The following TBX21 variants were observed in gnomAD, a reference collection of about 807,000 sequenced individuals.
The protein encoded by TBX21 is T-box transcription factor 21.
A neutral mutation model predicts 52.2 loss-of-function variants in TBX21; 11 were observed. The ratio of observed to expected loss-of-function variants is 0.21; its 90% confidence interval spans 0.13 to 0.35. The LOEUF is 0.35. TBX21 is among the 10% of genes least tolerant of loss of function. The pLI, the probability that TBX21 is intolerant of heterozygous loss-of-function variation, is 1.00. For synonymous variants in TBX21, 300 were observed against 316.1 expected (o/e 0.95, Z 0.54); for missense variants, 625 against 755.1 (o/e 0.83, Z 2.02).
Position 47,744,179 on chromosome 17 carries a change from C to T in TBX21, c.769-16C>T. 1.2e-6 allele frequency: 2 copies of T among 1,613,244 alleles called. No individual in the cohort carries two copies. Among genetic ancestry groups the T allele is most frequent in the Non-Finnish European group, 8.5e-7 (1 of 1,179,398 alleles). On this transcript the variant is annotated splice_polypyrimidine_tract_variant and intron_variant, in intron 3 of 5. Coordinates refer to ENST00000177694, the MANE Select transcript of TBX21 (RefSeq NM_013351.2). ...CCTTCCTCCCCACCCCTACAACCGT[C>T]TTGCTCTGTCTACAGATGATTGTGC...
rs1262526096 is a variant in TBX21, at chr17:47,744,281, C to T, written c.855C>T (p.Asn285=). 2.7e-5 allele frequency: 43 copies of T among 1,614,092 alleles called. No individual in the cohort carries two copies. The highest frequency in any genetic ancestry group is 3.3e-5 in the Admixed American group (2 of 59,994). The change falls in exon 4 of 6, where the codon AAC becomes AAT. Residue 285 remains asparagine (N), a synonymous_variant. Transcript: ENST00000177694. ...VNDGEPEAAC[N]ASNTHIFTFQ... Reference sequence around the variant, plus strand: ...ACGGAGAGCCAGAGGCAGCCTGCAACGCTTCCAACACGCATATCTTTACTT... The same window carrying T: ...ACGGAGAGCCAGAGGCAGCCTGCAATGCTTCCAACACGCATATCTTTACTT...
intron 1 of TBX21, among the ~76,000 whole-genome samples, chr17:47,734,554 G>GGTGTGTGTGTGTGTGTGTGTGT (rs55690005): frequency 1.8e-4 from 19 of 102,936 alleles, no homozygotes; most frequent in Non-Finnish European, 2.7e-4. Flanking sequence ...TCATATGTCT[G>GGTGTGTGTGTGTGTGTGTGTGT]GTGTGTGTGT....
rs1362068167 is a variant in TBX21 at position 47,744,804 on chromosome 17, T to A, written c.1046T>A (p.Phe349Tyr). ...TCCCCGCCTGGACCCAACTGTCAAT[T>A]CCTTGGGGGAGATCACTACTCTCCT... ...IPSPPGPNCQ[F>Y]LGGDHYSPLL... Residue 349 changes from phenylalanine (F) to tyrosine (Y), a missense_variant, in exon 6 of 6, where the codon TTC becomes TAC. Phe to Tyr is a conservative substitution (Grantham distance 22). This residue lies in a region of TBX21 where 261 missense variants were observed against 275.1 expected (regional missense o/e 0.95). Coordinates refer to ENST00000177694, the MANE Select transcript of TBX21 (RefSeq NM_013351.2). 1 of 1,614,010 alleles carries A rather than the reference T, an allele frequency of 6.2e-7. No homozygotes were observed. The highest frequency in any genetic ancestry group is 8.5e-7 in the Non-Finnish European group (1 of 1,180,018).
chr17:47,736,464 A>C (rs1194682125), intron 1 of TBX21, among the ~76,000 whole-genome samples: 1 of 152,206 alleles, frequency 6.6e-6, no homozygotes, highest in Admixed American at 6.5e-5. Context: ...TGATTGCTTC[A>C]TAAATGTGTG....
intron 1 of TBX21, among the ~76,000 whole-genome samples, chr17:47,734,929 GC>G (rs1230517092): frequency 6.6e-6 from 1 of 152,086 alleles, no homozygotes; most frequent in Non-Finnish European, 1.5e-5. Flanking sequence ...AGAGCCTCCT[GC>G]GCAAGGAAAG....
intron 1 of TBX21, among the ~76,000 whole-genome samples, 172 bp downstream of exon 1, chr17:47,734,117 G>A (rs541214264): frequency 6.6e-6 from 1 of 152,264 alleles, no homozygotes; most frequent in South Asian, 2.1e-4. Context: ...AGCTCCGGAG[G>A]GGCGTCTGTG....
intron 1 of TBX21, 143 bp downstream of exon 1, chr17:47,734,088 T>C (rs879606254): frequency 5.0e-5 from 70 of 1,395,118 alleles, no homozygotes; most frequent in Middle Eastern, 1.8e-4. Flanking sequence ...GGGAATGGGG[T>C]TGTTAGGAGG....
intron 1 of TBX21, among the ~76,000 whole-genome samples, chr17:47,737,138 G>T (rs545541185): frequency 6.6e-6 from 1 of 152,326 alleles, no homozygotes; most frequent in African/African-American, 2.4e-5. Context: ...GGAGACTTTG[G>T]TGTCTACGTT....
In TBX21 at chr17:47,744,909, C is replaced by G. The variant is rs1345379880; in HGVS notation, c.1151C>G (p.Ala384Gly). ...PGQAKDVVPQ[A>G]YWLGAPRDHS... ...CAGGCGAAGGATGTGGTTCCCCAGG[C>G]TTACTGGCTGGGGGCCCCCCGGGAC... Residue 384 changes from alanine (A) to glycine (G), a missense_variant, in exon 6 of 6, where the codon GCT becomes GGT. Physicochemically the swap from Ala to Gly is moderately conservative, Grantham distance 60. This residue lies in a region of TBX21 where 261 missense variants were observed against 275.1 expected (regional missense o/e 0.95). Coordinates refer to ENST00000177694, the MANE Select transcript of TBX21 (RefSeq NM_013351.2). 1 of 1,614,204 alleles carries G rather than the reference C, an allele frequency of 6.2e-7. No individual in the cohort carries two copies. The highest frequency in any genetic ancestry group is 8.5e-7 in the Non-Finnish European group (1 of 1,180,042).
chr17:47,745,022 G>C lies in TBX21; in HGVS notation c.1264G>C (p.Gly422Arg). The change falls in exon 6 of 6, where the codon GGC becomes CGC. Residue 422 changes from glycine (G) to arginine (R), a missense_variant. Gly to Arg is a moderately radical substitution (Grantham distance 125). This residue lies in a region of TBX21 where 261 missense variants were observed against 275.1 expected (regional missense o/e 0.95). Transcript: ENST00000177694. ...APGPTMSYYR[G>R]QEVLAPGAGW... is the part of the protein sequence containing the mutation. ...TGGGCCCACCATGTCCTACTACCGA[G>C]GCCAGGAGGTCCTGGCACCTGGAGC... 6.2e-7 allele frequency: 1 copy of C among 1,612,656 alleles called. No individual in the cohort carries two copies.
chr17:47,736,216 G>A (rs72648867), intron 1 of TBX21, among the ~76,000 whole-genome samples: 7,063 of 151,992 alleles, frequency 0.046, 189 homozygotes, highest in Middle Eastern at 0.12. Context: ...ATACAAACAT[G>A]GACAGAAGAA....
At chr17:47,741,810 C>T (rs930799028) in intron 1 of TBX21, among the ~76,000 whole-genome samples, 10 of 152,078 alleles carry the variant, frequency 6.6e-5, no homozygotes, top group African/African-American at 1.9e-4. Context: ...AGGTAGATGT[C>T]GAGCAACTGA....
Position 47,745,173 on chromosome 17 carries a change from G to A in TBX21, c.1415G>A (p.Gly472Asp), listed in dbSNP as rs1330013859. ...GAGGGACGGGGACCAGAGGACCAGG[G>A]TCCCCCCTTGGTGTGGACTGAGATT... is the stretch of plus-strand genomic sequence containing the variant. ...GSEGRGPEDQGPPLVWTEIAP... is the reference protein window; with the variant it reads ...GSEGRGPEDQDPPLVWTEIAP... The change falls in exon 6 of 6, where the codon GGT becomes GAT. Residue 472 changes from glycine to aspartate, a missense_variant. Gly to Asp is a moderately conservative substitution (Grantham distance 94). This residue lies in a region of TBX21 where 261 missense variants were observed against 275.1 expected (regional missense o/e 0.95). Transcript: ENST00000177694. The A allele has an allele frequency of 6.2e-7, 1 of 1,614,186 alleles. No homozygotes were observed. The highest frequency in any genetic ancestry group is 1.7e-5 in the Admixed American group (1 of 60,030).
In TBX21 at chr17:47,742,927, C is replaced by T; in HGVS notation, c.647-144C>T. Reference sequence around the variant, plus strand: ...TTTCTGGCTTCCTGCTTTGCTCTAGCCTGTCCTCTGCTGAGTCCTCTGCCC... The same window carrying T: ...TTTCTGGCTTCCTGCTTTGCTCTAGTCTGTCCTCTGCTGAGTCCTCTGCCC... On this transcript the variant is annotated intron_variant, in intron 2 of 5. Coordinates refer to ENST00000177694, the MANE Select transcript of TBX21 (RefSeq NM_013351.2). This position sits in a 1 kb window ranked among gnomAD's most constrained non-coding sequence, Gnocchi z 4.4. 2.0e-6 allele frequency: 3 copies of T among 1,508,434 alleles called. No homozygotes were observed. The highest frequency in any genetic ancestry group is 2.7e-6 in the Non-Finnish European group (3 of 1,127,184). The allele number at this position is 1,508,434 out of a possible 1,614,324, so 93.4% of individuals were successfully genotyped here.
rs1443201777 is a variant in TBX21, at chr17:47,733,388, ACGCGACCCTCTCGCGCGCGGAGGGG to A, written c.-64_-40del. ...CCCTGCTCCCTGCCCATCCCAGCCC[ACGCGACCCTCTCGCGCGCGGAGGGG>A]CGGGTCCTCGACGGCTACGGGAAGG... On this transcript the variant is annotated 5_prime_UTR_variant, in exon 1 of 6. Transcript: ENST00000177694. The surrounding 1 kb of genome is among the most constrained non-coding windows in gnomAD (Gnocchi z 6.6). The A allele has an allele frequency of 1.4e-6, 2 of 1,407,092 alleles. No individual in the cohort carries two copies. Among genetic ancestry groups the A allele is most frequent in the Non-Finnish European group, 1.8e-6 (2 of 1,086,800 alleles). 87.2% of individuals were successfully genotyped at this position (1,407,092 alleles called of 1,614,324 possible). A position where few individuals can be genotyped will look rare whatever the true frequency, so the allele number is the denominator to read the frequency against.
intron 3 of TBX21, 32 bp from the exon 4 acceptor site, chr17:47,744,163 C>G (rs761945895): frequency 1.2e-6 from 2 of 1,605,810 alleles, no homozygotes; most frequent in Non-Finnish European, 1.7e-6. Flanking sequence ...TCCTTCCTCC[C>G]CACCCCTACA....
chr17:47,738,183 G>T (rs1241692631), intron 1 of TBX21, among the ~76,000 whole-genome samples: 4 of 151,808 alleles, frequency 2.6e-5, no homozygotes, highest in Admixed American at 2.0e-4. Flanking sequence ...AATGAGACAT[G>T]GTCTTGCTCT....
chr17:47,734,026 A>T, intron 1 of TBX21, 81 bp downstream of exon 1: 1 of 1,599,920 alleles, frequency 6.3e-7, no homozygotes, highest in Non-Finnish European at 8.5e-7. Context: ...TGGCTCGACA[A>T]TGCTTCTGAC....
chr17:47,733,348 C>T lies in TBX21; in HGVS notation c.-107C>T, dbSNP rs2032161078. On this transcript the variant is annotated 5_prime_UTR_variant, in exon 1 of 6. Coordinates refer to ENST00000177694, the MANE Select transcript of TBX21 (RefSeq NM_013351.2). The surrounding 1 kb of genome is among the most constrained non-coding windows in gnomAD (Gnocchi z 6.6). ...CTCCGGTGGGGTCCCCCACCCGGCC[C>T]TCGGGTCCCCCGCCCCCTGCTCCCT... is the stretch of plus-strand genomic sequence containing the variant. The T allele has an allele frequency of 7.5e-7, 1 of 1,332,106 alleles. No individual in the cohort carries two copies. The highest frequency in any genetic ancestry group is 1.8e-5 in the South Asian group (1 of 55,246). 82.5% of individuals were successfully genotyped at this position (1,332,106 alleles called of 1,614,324 possible).
Sources: allele counts gnomAD v4.1 joint callset (sites outside exome capture counted in the v4.1 genomes callset), GRCh38; gene constraint gnomAD v4.1.1; regional missense constraint gnomAD v4.1.1; non-coding constraint Gnocchi (gnomAD v3.1); transcripts MANE v1.5; gene names NCBI Gene and HGNC (gene_info 2026-07-23, HGNC 2026-07-21).